ASCC3: variants seen among roughly 807,000 people sequenced by gnomAD.
ASCC3 encodes activating signal cointegrator 1 complex subunit 3.
A neutral mutation model predicts 256.3 loss-of-function variants in ASCC3; 158 were observed. The observed-to-expected ratio is 0.62, with a 90% confidence interval of 0.54 to 0.70. ASCC3 has a LOEUF of 0.70. Among genes scored for constraint, ASCC3 ranks in the 30% least tolerant of loss-of-function variants. The pLI is 0.00. For missense variants in ASCC3, 2,259 were observed against 2,626.0 expected (o/e 0.86, Z 3.05); for synonymous variants, 948 against 883.4 (o/e 1.07, Z -1.30).
chr6:100,834,073 A>G (rs1771759642), intron 4 of ASCC3, among the ~76,000 whole-genome samples: 1 of 152,192 alleles, frequency 6.6e-6, no homozygotes, highest in African/African-American at 2.4e-5. Flanking sequence ...GGTTTAAACA[A>G]AAATTATCTA....
At chr6:100,626,695 GTAAATGATAAAGCTTTGA>G (rs1774254022) in intron 29 of ASCC3, among the ~76,000 whole-genome samples, 1 of 151,982 alleles carries the variant, frequency 6.6e-6, no homozygotes. Flanking sequence ...GTTACAGAAT[GTAAATGATAAAGCTTTGA>G]TAAATCATAT....
intron 36 of ASCC3, among the ~76,000 whole-genome samples, chr6:100,583,185 T>G (rs746012883): frequency 4.6e-5 from 7 of 152,274 alleles, no homozygotes; most frequent in East Asian, 1.9e-4. Flanking sequence ...TTGTACCTCT[T>G]GTACAATTCG....
intron 8 of ASCC3, among the ~76,000 whole-genome samples, chr6:100,786,290 T>C (rs1162927857): frequency 6.6e-6 from 1 of 152,186 alleles, no homozygotes; most frequent in Non-Finnish European, 1.5e-5. Flanking sequence ...GGTATGTCAT[T>C]ATATTAAATT....
intron 13 of ASCC3, among the ~76,000 whole-genome samples, chr6:100,692,582 A>G (rs1777891356): frequency 6.6e-6 from 1 of 152,066 alleles, no homozygotes; most frequent in South Asian, 2.1e-4. Context: ...TTGGAATTTT[A>G]AAAATTATTC....
intron 4 of ASCC3, among the ~76,000 whole-genome samples, chr6:100,830,824 AC>A (rs1344258373): frequency 6.6e-6 from 1 of 152,224 alleles, no homozygotes; most frequent in East Asian, 1.9e-4. Flanking sequence ...GGGAACCTAT[AC>A]TCATATAAAA....
At chr6:100,707,609 A>T (rs2115008794) in intron 13 of ASCC3, among the ~76,000 whole-genome samples, 1 of 152,276 alleles carries the variant, frequency 6.6e-6, no homozygotes, top group African/African-American at 2.4e-5. Context: ...GATAAAAATT[A>T]AAGTTTACCT....
intron 4 of ASCC3, among the ~76,000 whole-genome samples, chr6:100,839,164 A>G (rs1446076445): frequency 6.6e-6 from 1 of 152,144 alleles, no homozygotes; most frequent in Non-Finnish European, 1.5e-5. Flanking sequence ...TATATCACAT[A>G]CAATTTTCCA....
chr6:100,770,344 C>G (rs1333608321), intron 8 of ASCC3, among the ~76,000 whole-genome samples: 2 of 151,796 alleles, frequency 1.3e-5, no homozygotes, highest in Non-Finnish European at 2.9e-5. Flanking sequence ...TCTACAAAAG[C>G]GTTACAGGTG....
chr6:100,514,485 C>T (rs951239275), intron 39 of ASCC3, among the ~76,000 whole-genome samples: 1 of 152,104 alleles, frequency 6.6e-6, no homozygotes, highest in African/African-American at 2.4e-5. Flanking sequence ...TTATTAGTAA[C>T]TCATTGGGAT....
intron 37 of ASCC3, among the ~76,000 whole-genome samples, chr6:100,523,838 C>T (rs1774425929): frequency 6.6e-6 from 1 of 152,148 alleles, no homozygotes; most frequent in Non-Finnish European, 1.5e-5. Flanking sequence ...GACAACGTAT[C>T]TTCTACATTT....
At position 100,597,891 on chromosome 6, in the gene ASCC3, G is replaced by A. The variant is rs150943406; in HGVS notation, c.5303+3919C>T. Among the ~76,000 whole-genome samples, 646 of 149,516 alleles carry A rather than the reference G, an allele frequency of 4.3e-3. 7 individuals are homozygous for A. Among genetic ancestry groups the A allele is most frequent in the Non-Finnish European group, 7.5e-3 (507 of 67,488 alleles). ...CGGGAGGCTGAGGCAGGAGAATGGC[G>A]TGAACTCAGGAGGTGGAGCTTGCAG... On this transcript the variant is annotated intron_variant, in intron 34 of 41. Coordinates refer to ENST00000369162, the MANE Select transcript of ASCC3 (RefSeq NM_006828.4).
At chr6:100,577,758 A>ACT (rs916638021) in intron 36 of ASCC3, among the ~76,000 whole-genome samples, 1 of 150,722 alleles carries the variant, frequency 6.6e-6, no homozygotes, top group Admixed American at 6.6e-5. Context: ...ACACACACAC[A>ACT]CTCTCTCACA....
intron 3 of ASCC3, among the ~76,000 whole-genome samples, chr6:100,860,322 A>G (rs1773160377): frequency 6.6e-6 from 1 of 152,020 alleles, no homozygotes; most frequent in South Asian, 2.1e-4. Flanking sequence ...CTATTTTTAA[A>G]TAATTTATAT....
rs117680584 is a variant in ASCC3 at position 100,830,301 on chromosome 6, A to T, written c.801+17847T>A. On this transcript the variant is annotated intron_variant, in intron 4 of 41. Transcript: ENST00000369162. ...ATCTGAATGACCAGACACAAAATGT[A>T]GCAAATGGGAAAGGTATTTCTTTTC... Among the ~76,000 whole-genome samples, 352 of 152,272 alleles carry T rather than the reference A, an allele frequency of 2.3e-3. 2 individuals carry two copies. Among genetic ancestry groups the T allele is most frequent in the Non-Finnish European group, 3.5e-3 (236 of 68,034 alleles).
intron 34 of ASCC3, among the ~76,000 whole-genome samples, chr6:100,594,254 C>A (rs915239053): frequency 6.6e-6 from 1 of 152,114 alleles, no homozygotes; most frequent in African/African-American, 2.4e-5. Context: ...CTTTGTTATA[C>A]ACACATGCAG....
chr6:100,791,366 T>G (rs368056958), intron 8 of ASCC3, among the ~76,000 whole-genome samples: 1 of 151,910 alleles, frequency 6.6e-6, no homozygotes, highest in Non-Finnish European at 1.5e-5. Context: ...ATAACAAAAC[T>G]TAATTTGGAA....
intron 34 of ASCC3, among the ~76,000 whole-genome samples, chr6:100,594,383 T>G (rs1772171439): frequency 6.6e-6 from 1 of 152,134 alleles, no homozygotes; most frequent in African/African-American, 2.4e-5. Flanking sequence ...AAGTGTTTCA[T>G]TAGAGACAAT....
chr6:100,520,142 T>C (rs1436898354), intron 37 of ASCC3, among the ~76,000 whole-genome samples: 1 of 152,120 alleles, frequency 6.6e-6, no homozygotes, highest in Non-Finnish European at 1.5e-5. Context: ...TTCTTTATTC[T>C]CATCTAATTT....
intron 36 of ASCC3, among the ~76,000 whole-genome samples, chr6:100,541,067 A>G (rs969213436): frequency 2.0e-5 from 3 of 152,132 alleles, no homozygotes; most frequent in African/African-American, 7.2e-5. Context: ...TGCCAATTGA[A>G]CCTACAAGCG....
Sources: gnomAD v4.1 joint callset for allele counts (sites outside exome capture counted in the v4.1 genomes callset) on GRCh38, gnomAD v4.1.1 for gene constraint, MANE v1.5 for transcripts, NCBI Gene and HGNC (gene_info 2026-07-23, HGNC 2026-07-21) for gene names.